Variants in CDH12 observed in about 807,000 individuals in gnomAD.
CDH12 encodes the protein cadherin 12.
Under a neutral mutation model 74.1 loss-of-function variants are expected in CDH12, and 41 were observed. The ratio of observed to expected loss-of-function variants is 0.55; its 90% CI spans 0.43 to 0.72. CDH12 has a LOEUF of 0.72. Among genes scored for constraint, CDH12 ranks in the 30% least tolerant of loss-of-function variants. The pLI is 0.00. For synonymous variants in CDH12, 399 were observed against 355.0 expected (o/e 1.12, Z -1.39); for missense variants, 945 against 977.2 (o/e 0.97, Z 0.44).
chr5:22,798,120 C>G (rs900864215), intron 1 of CDH12, among the ~76,000 whole-genome samples: 6 of 152,112 alleles, frequency 3.9e-5, no homozygotes, highest in African/African-American at 1.4e-4. Context: ...TATCCCCTGC[C>G]TCAAATAAAT....
intron 1 of CDH12, among the ~76,000 whole-genome samples, chr5:22,554,844 A>T (rs1738728851): frequency 6.6e-6 from 1 of 152,114 alleles, no homozygotes; most frequent in Admixed American, 6.6e-5. Context: ...GAATCAAAAA[A>T]GGGCATTTAA....
chr5:22,347,828 T>C (rs1740182673), intron 3 of CDH12, among the ~76,000 whole-genome samples: 1 of 152,116 alleles, frequency 6.6e-6, no homozygotes, highest in Non-Finnish European at 1.5e-5. Context: ...AAACATCCAG[T>C]GTGATGTAGT....
chr5:22,437,706 A>T (rs961027733), intron 2 of CDH12, among the ~76,000 whole-genome samples: 5 of 151,662 alleles, frequency 3.3e-5, no homozygotes, highest in East Asian at 1.9e-4. Flanking sequence ...GTTGCTAAGG[A>T]CTCTCACAAT....
At position 22,399,234 on chromosome 5, in the gene CDH12, C is replaced by CTATT. The variant is rs1486507834; in HGVS notation, c.-333+6022_-333+6023insAATA. On this transcript the variant is annotated intron_variant, in intron 3 of 14. Coordinates refer to ENST00000382254, the MANE Select transcript of CDH12 (RefSeq NM_004061.5). ...TCTATCTATCTATCTATCTATCTAT[C>CTATT]TAATCTAAACAAGTAGTGTAACATT... is the stretch of plus-strand genomic sequence containing the variant. Among the ~76,000 whole-genome samples, 8 of 149,572 alleles carry CTATT rather than the reference C, an allele frequency of 5.3e-5. No homozygotes were observed. The South Asian group carries it at 1.7e-3, about 31-fold the overall frequency.
chr5:22,109,872 T>A (rs1744706016), intron 4 of CDH12, among the ~76,000 whole-genome samples: 1 of 152,000 alleles, frequency 6.6e-6, no homozygotes. Flanking sequence ...ATAACATAAG[T>A]TTTACCTGGC....
intron 4 of CDH12, among the ~76,000 whole-genome samples, chr5:22,113,989 T>A (rs1744954082): frequency 1.3e-5 from 2 of 152,288 alleles, no homozygotes; most frequent in Admixed American, 6.5e-5. Flanking sequence ...TCTTTTCCAA[T>A]ATGACATCAG....
chr5:22,670,883 G>A (rs1740867390), intron 1 of CDH12, among the ~76,000 whole-genome samples: 2 of 151,774 alleles, frequency 1.3e-5, no homozygotes, highest in South Asian at 4.1e-4. Context: ...ATCGTAGCAG[G>A]TTTTATTTTT....
chr5:22,747,221 G>T (rs547032619), intron 1 of CDH12, among the ~76,000 whole-genome samples: 4 of 152,122 alleles, frequency 2.6e-5, no homozygotes, highest in East Asian at 1.9e-4. Context: ...TTACAGAAAG[G>T]CTTACCTATA....
intron 1 of CDH12, among the ~76,000 whole-genome samples, chr5:22,648,981 C>T (rs952941322): frequency 7.3e-5 from 11 of 151,510 alleles, no homozygotes; most frequent in African/African-American, 2.4e-4. Flanking sequence ...CAAAGAAATG[C>T]TAATTATGAA....
intron 9 of CDH12, among the ~76,000 whole-genome samples, chr5:21,809,963 G>GA (rs1398720979): frequency 6.6e-6 from 1 of 151,902 alleles, no homozygotes; most frequent in Admixed American, 6.6e-5. Context: ...AAGCAAGGGA[G>GA]AAAAAAATGT....
chr5:22,222,956 T>G (rs1051887271), intron 3 of CDH12, among the ~76,000 whole-genome samples: 1 of 152,044 alleles, frequency 6.6e-6, no homozygotes, highest in African/African-American at 2.4e-5. Flanking sequence ...TTTTGTTTCA[T>G]TTCCAATACT....
rs113982368 is a variant in CDH12 at position 21,777,637 on chromosome 5, C to T, written c.1393+5721G>A. On this transcript the variant is annotated intron_variant, in intron 11 of 14. Transcript: ENST00000382254. ...TCCCGAGTAGCTGGGATTATAGGCGCCCGCCACAATATTCAGCTAATTTTT... is the reference window on the plus strand; with the variant it reads ...TCCCGAGTAGCTGGGATTATAGGCGTCCGCCACAATATTCAGCTAATTTTT... Among the ~76,000 whole-genome samples the T allele has an allele frequency of 6.6e-3, 1,010 of 151,890 alleles. 4 individuals are homozygous for T. The highest frequency in any genetic ancestry group is 0.011 in the Admixed American group (170 of 15,246).
intron 3 of CDH12, among the ~76,000 whole-genome samples, chr5:22,334,493 T>C (rs973872975): frequency 6.6e-6 from 1 of 151,844 alleles, no homozygotes; most frequent in Non-Finnish European, 1.5e-5. Flanking sequence ...TTCATAGAAA[T>C]AGAAAAAACA....
At chr5:22,333,405 C>T (rs1246052414) in intron 3 of CDH12, among the ~76,000 whole-genome samples, 1 of 152,022 alleles carries the variant, frequency 6.6e-6, no homozygotes, top group Non-Finnish European at 1.5e-5. Flanking sequence ...ACAGGTGCAG[C>T]AAACTATCAT....
intron 5 of CDH12, among the ~76,000 whole-genome samples, chr5:22,054,884 G>C (rs1240665202): frequency 6.6e-6 from 1 of 152,070 alleles, no homozygotes; most frequent in African/African-American, 2.4e-5. Flanking sequence ...TCCACAATGG[G>C]CATATCCTGG....
rs183058547 is a variant in CDH12, at chr5:22,562,056, G to T, written c.-522-56692C>A. ...ATAGAGGCCGGGCGCGGTGGCTCAC[G>T]CCTGTAATCCCAGCACTTTGGGAGG... On this transcript the variant is annotated intron_variant, in intron 1 of 14. Transcript: ENST00000382254. 2.2e-4 allele frequency among the ~76,000 whole-genome samples: 33 copies of T among 152,262 alleles called. 1 individual carries two copies. The highest frequency in any genetic ancestry group is 7.5e-4 in the African/African-American group (31 of 41,566).
At chr5:22,158,667 C>T (rs867899447) in intron 4 of CDH12, among the ~76,000 whole-genome samples, 3 of 151,958 alleles carry the variant, frequency 2.0e-5, no homozygotes, top group Admixed American at 6.6e-5. Context: ...CAATATTAGC[C>T]GTGTACACCT....
Position 21,751,626 on chromosome 5 carries a change from G to GTT in CDH12, c.*110_*111insAA, listed in dbSNP as rs796861400. On this transcript the variant is annotated 3_prime_UTR_variant, in exon 15 of 15. Transcript: ENST00000382254. ...TGTCCCAGAGTGTGTGTGTGTGTGT[G>GTT]TGTGTTTGTGTGTGTGTGTGTGTGT... The GTT allele has an allele frequency of 1.8e-3, 1,308 of 707,484 alleles. 12 individuals are homozygous for GTT. In the African/African-American group the frequency reaches 0.019, roughly 10 times the overall value. The allele number at this position is 707,484 out of a possible 1,614,324, so 43.8% of individuals were successfully genotyped here.
chr5:22,837,805 A>G (rs1736899462), intron 1 of CDH12, among the ~76,000 whole-genome samples: 2 of 152,198 alleles, frequency 1.3e-5, no homozygotes. Flanking sequence ...TAATATGATC[A>G]TGGTAGATAG....
Sources: gnomAD v4.1 joint callset for allele counts (sites outside exome capture counted in the v4.1 genomes callset) on GRCh38, gnomAD v4.1.1 for gene constraint, MANE v1.5 for transcripts, NCBI Gene and HGNC (gene_info 2026-07-23, HGNC 2026-07-21) for gene names.